Variants in SEMA3A observed in about 807,000 individuals in gnomAD.
The protein encoded by SEMA3A is semaphorin 3A.
A neutral mutation model predicts 97.9 loss-of-function variants in SEMA3A; 29 were observed. The observed-to-expected ratio is 0.30, with a 90% CI of 0.22 to 0.40. The LOEUF (loss-of-function observed/expected upper bound fraction) is 0.40. Ranked by LOEUF, SEMA3A falls within the 10% of genes least tolerant of loss-of-function variation. The probability of loss-of-function intolerance (pLI) is 1.00; values close to 1 mark genes in which losing one functional copy is unlikely to be tolerated. For missense variants in SEMA3A, 763 were observed against 951.3 expected (o/e 0.80, Z 2.60); for synonymous variants, 321 against 323.7 (o/e 0.99, Z 0.09).
At chr7:84,220,133 G>A (rs1186804064) in intron 3 of SEMA3A, among the ~76,000 whole-genome samples, 1 of 152,072 alleles carries the variant, frequency 6.6e-6, no homozygotes, top group Non-Finnish European at 1.5e-5. Flanking sequence ...TAAATATTTT[G>A]TTATTTCAAT....
chr7:84,415,735 T>C (rs1197394441), intron 1 of SEMA3A, among the ~76,000 whole-genome samples: 3 of 152,218 alleles, frequency 2.0e-5, no homozygotes, highest in East Asian at 3.9e-4. Context: ...TTCTTATATA[T>C]ATTTTAAGGT....
Position 84,305,352 on chromosome 7 carries a change from G to A in SEMA3A, c.-83+1855C>T, listed in dbSNP as rs116070476. Reference sequence around the variant, plus strand: ...TATTTATGTATCCTAGCTTATATGTGTGTTACCCAAAACTTAGAATCATAA... The same window carrying A: ...TATTTATGTATCCTAGCTTATATGTATGTTACCCAAAACTTAGAATCATAA... On this transcript the variant is annotated intron_variant, in intron 3 of 3. Coordinates refer to the SEMA3A transcript ENST00000424555. 7.8e-3 allele frequency among the ~76,000 whole-genome samples: 1,183 copies of A among 151,766 alleles called. 13 individuals are homozygous for A. The highest frequency in any genetic ancestry group is 0.027 in the African/African-American group (1,131 of 41,442).
chr7:84,010,947 T>C, intron 9 of SEMA3A, 75 bp downstream of exon 9: 1 of 1,137,920 alleles, frequency 8.8e-7, no homozygotes, highest in Non-Finnish European at 1.3e-6. Flanking sequence ...AAAAATATAC[T>C]TTTGCAAATT....
chr7:83,981,295 T>C (rs1418466862), intron 14 of SEMA3A, 26 bp downstream of exon 14: 2 of 1,609,468 alleles, frequency 1.2e-6, no homozygotes, highest in Admixed American at 1.7e-5. Flanking sequence ...AGCAAACATT[T>C]CATTTATTTT....
At chr7:84,484,194 T>C (rs1158642126) in intron 1 of SEMA3A, among the ~76,000 whole-genome samples, 2 of 152,172 alleles carry the variant, frequency 1.3e-5, no homozygotes, top group Non-Finnish European at 2.9e-5. Flanking sequence ...AGAAGACCAC[T>C]GTGTAAGGCT....
intron 15 of SEMA3A, among the ~76,000 whole-genome samples, chr7:83,971,598 G>C (rs558825648): frequency 3.9e-5 from 6 of 151,956 alleles, no homozygotes; most frequent in Admixed American, 2.0e-4. Context: ...TCACCAATTA[G>C]ATTCTATGTA....
intron 1 of SEMA3A, among the ~76,000 whole-genome samples, chr7:84,135,757 G>T (rs1321252635): frequency 6.6e-6 from 1 of 152,104 alleles, no homozygotes; most frequent in Admixed American, 6.5e-5. Context: ...ATCATTAAAT[G>T]ATTCACTGTA....
In SEMA3A at chr7:84,054,412, C is replaced by A. The variant is rs1480473852; in HGVS notation, c.547+6053G>T. On this transcript the variant is annotated intron_variant, in intron 5 of 16. Transcript: ENST00000265362. ...TATTTCTTGGAGGCTTTGCTCATTTCTTTTTATTCTTTTTTCTCTAAACTT... is the reference window on the plus strand; with the variant it reads ...TATTTCTTGGAGGCTTTGCTCATTTATTTTTATTCTTTTTTCTCTAAACTT... Among the ~76,000 whole-genome samples the A allele has an allele frequency of 4.7e-3, 715 of 152,140 alleles. 4 individuals carry two copies. The highest frequency in any genetic ancestry group is 0.016 in the African/African-American group (666 of 41,500).
At chr7:84,430,740 A>G (rs375623714) in intron 1 of SEMA3A, among the ~76,000 whole-genome samples, 38 of 151,704 alleles carry the variant, frequency 2.5e-4, no homozygotes, top group Non-Finnish European at 7.4e-5. Flanking sequence ...GTGAAGAAGA[A>G]TTGTCTCAAG....
chr7:84,025,263 A>T (rs893327660), intron 6 of SEMA3A, among the ~76,000 whole-genome samples: 9 of 152,230 alleles, frequency 5.9e-5, no homozygotes, highest in African/African-American at 1.9e-4. Flanking sequence ...CCAATATCAC[A>T]GCCTCAGGCT....
At chr7:84,280,241 G>C (rs574407837) in intron 3 of SEMA3A, among the ~76,000 whole-genome samples, 2 of 151,956 alleles carry the variant, frequency 1.3e-5, no homozygotes, top group African/African-American at 4.8e-5. Context: ...TCGGCCTCCC[G>C]GTCAATTTAG....
chr7:84,059,215 G>A (rs1213496129), intron 5 of SEMA3A, among the ~76,000 whole-genome samples: 1 of 152,128 alleles, frequency 6.6e-6, no homozygotes, highest in African/African-American at 2.4e-5. Flanking sequence ...TAGGAAAATT[G>A]TAAGTGTGCT....
intron 1 of SEMA3A, among the ~76,000 whole-genome samples, chr7:84,409,067 G>GTA (rs1338697780): frequency 4.8e-5 from 7 of 147,258 alleles, no homozygotes; most frequent in East Asian, 2.0e-4. Flanking sequence ...ATATATATAT[G>GTA]TATATATATA....
At chr7:84,118,927 C>T (rs1028325668) in intron 3 of SEMA3A, among the ~76,000 whole-genome samples, 2 of 152,044 alleles carry the variant, frequency 1.3e-5, no homozygotes, top group Admixed American at 1.3e-4. Context: ...TCTGGTAAAA[C>T]CATGATGAAA....
chr7:84,174,941 G>C (rs1201183974), intron 1 of SEMA3A, among the ~76,000 whole-genome samples: 1 of 152,126 alleles, frequency 6.6e-6, no homozygotes, highest in Non-Finnish European at 1.5e-5. Context: ...GTAATTTATA[G>C]CAAGAATTTT....
At chr7:84,403,617 C>T (rs1419016802) in intron 1 of SEMA3A, among the ~76,000 whole-genome samples, 6 of 152,176 alleles carry the variant, frequency 3.9e-5, no homozygotes, top group Non-Finnish European at 7.4e-5. Context: ...TCCCTGACCC[C>T]CGAGCAGCCT....
At chr7:84,039,002 CAT>C (rs1427775797) in intron 6 of SEMA3A, among the ~76,000 whole-genome samples, 1 of 152,044 alleles carries the variant, frequency 6.6e-6, no homozygotes, top group Non-Finnish European at 1.5e-5. Flanking sequence ...TCAATTAAAA[CAT>C]AATCAAATAG....
chr7:83,967,336 G>A (rs1282568249), intron 15 of SEMA3A, among the ~76,000 whole-genome samples: 4 of 152,110 alleles, frequency 2.6e-5, no homozygotes, highest in Admixed American at 6.6e-5. Flanking sequence ...CATTAACAAT[G>A]TGTTCTATCT....
At chr7:84,028,427 T>C (rs1191248457) in intron 6 of SEMA3A, among the ~76,000 whole-genome samples, 1 of 152,198 alleles carries the variant, frequency 6.6e-6, no homozygotes, top group Non-Finnish European at 1.5e-5. Context: ...ACTGTCATTA[T>C]CCTAATGATT....
Sources: gnomAD v4.1 joint callset for allele counts (sites outside exome capture counted in the v4.1 genomes callset) on GRCh38, gnomAD v4.1.1 for gene constraint, MANE v1.5 for transcripts, NCBI Gene and HGNC (gene_info 2026-07-23, HGNC 2026-07-21) for gene names.